The following MOK variants were observed in gnomAD, a reference collection of about 807,000 sequenced individuals.
MOK encodes the protein MOK protein kinase.
In MOK, 59 loss-of-function variants were observed where a neutral mutation model predicts 54.2. That is an observed-to-expected ratio of 1.09 (90% CI 0.88 to 1.35). The LOEUF (loss-of-function observed/expected upper bound fraction) is 1.35, where lower values mean the gene tolerates loss of function less well. MOK is among the 40% of genes most tolerant of loss of function. The pLI is 0.00. For synonymous variants in MOK, 210 were observed against 202.7 expected, an observed-to-expected ratio of 1.04 and a Z score of -0.31; for missense variants, 517 against 526.2, an observed-to-expected ratio of 0.98 and a Z score of 0.17.
intron 2 of MOK, among the ~76,000 whole-genome samples, chr14:102,271,112 G>T (rs2068317536): frequency 6.6e-6 from 1 of 152,152 alleles, no homozygotes; most frequent in South Asian, 2.1e-4. Flanking sequence ...TTGAACTCAG[G>T]AGGCAGAGGT....
At chr14:102,234,072 G>C (rs2064994521) in intron 7 of MOK, 2 of 308,202 alleles carry the variant, frequency 6.5e-6, no homozygotes, top group African/African-American at 4.3e-5. Flanking sequence ...TAAGCTTGGG[G>C]CTGCTTCCTC....
At chr14:102,299,840 C>G (rs1192176706) in intron 1 of MOK, among the ~76,000 whole-genome samples, 1 of 152,174 alleles carries the variant, frequency 6.6e-6, no homozygotes, top group Non-Finnish European at 1.5e-5. Flanking sequence ...GCCTCAGCCT[C>G]TCGAAGTGCT....
intron 1 of MOK, among the ~76,000 whole-genome samples, chr14:102,298,789 T>C (rs2071771250): frequency 6.6e-6 from 1 of 152,224 alleles, no homozygotes; most frequent in Non-Finnish European, 1.5e-5. Context: ...ACTCACTCTT[T>C]GGGTCCAGGC....
chr14:102,286,761 T>C (rs1284522210), intron 1 of MOK, among the ~76,000 whole-genome samples: 1 of 151,996 alleles, frequency 6.6e-6, no homozygotes. Flanking sequence ...ACTGTAAATA[T>C]TTAAAATAAT....
Position 102,236,966 on chromosome 14 carries a change from C to A in MOK, c.591-3177G>T, listed in dbSNP as rs77400444. Among the ~76,000 whole-genome samples the A allele has an allele frequency of 5.7e-3, 862 of 152,238 alleles. 18 individuals carry two copies. The highest frequency in any genetic ancestry group is 0.035 in the East Asian group (179 of 5,180). ...TCCTATTCATCCCATAGTCCCTAAC[C>A]CCTCTACACTTCTCTGTCTCATTCC... On this transcript the variant is annotated intron_variant, in intron 7 of 11. Coordinates refer to ENST00000361847, the MANE Select transcript of MOK (RefSeq NM_014226.3). This position sits in a 1 kb window ranked among gnomAD's most constrained non-coding sequence, Gnocchi z 4.5.
At chr14:102,263,506 A>T (rs745336627) in intron 4 of MOK, 40 bp downstream of exon 4, 1 of 1,425,738 alleles carries the variant, frequency 7.0e-7, no homozygotes, top group Middle Eastern at 1.8e-4. Flanking sequence ...ACAAGCCTTA[A>T]AAGAGGATCT....
At position 102,283,536 on chromosome 14, in the gene MOK, G is replaced by A. The variant is rs56283342; in HGVS notation, c.64C>T (p.Gln22Ter). 2.0e-4 allele frequency: 329 copies of A among 1,613,440 alleles called. No individual in the cohort carries two copies. The highest frequency in any genetic ancestry group is 2.5e-4 in the Non-Finnish European group (300 of 1,179,802). ...TAGTAGTTTCCATCTCTCAGGCTTT[G>A]CATCTTCATAACTTCAGAAAACGTT... ...EGTFSEVMKM[Q>*]SLRDGNYYAC... Residue 22 changes from glutamine to a stop codon, truncating the protein, a stop_gained, in exon 2 of 12, where the codon CAA (glutamine) becomes TAA (stop). Coordinates refer to ENST00000361847, the MANE Select transcript of MOK (RefSeq NM_014226.3). LOFTEE classifies it high-confidence loss of function.
chr14:102,248,427 T>C (rs1880482288), intron 7 of MOK, among the ~76,000 whole-genome samples: 1 of 151,908 alleles, frequency 6.6e-6, no homozygotes. Flanking sequence ...GTTCCTGCTC[T>C]TCATCTAGTT....
At chr14:102,261,436 T>A (rs1238442020) in intron 4 of MOK, among the ~76,000 whole-genome samples, 25 of 84,756 alleles carry the variant, frequency 2.9e-4, no homozygotes, top group Non-Finnish European at 4.7e-4. Flanking sequence ...TATATATATA[T>A]ATATATATAT....
chr14:102,258,008 C>T (rs982798403), intron 4 of MOK, among the ~76,000 whole-genome samples: 1 of 151,642 alleles, frequency 6.6e-6, no homozygotes, highest in Non-Finnish European at 1.5e-5. Flanking sequence ...CTGTTTAGAA[C>T]CACTTATAGC....
At chr14:102,286,912 A>AAATAAT (rs56108099) in intron 1 of MOK, among the ~76,000 whole-genome samples, 7,357 of 145,430 alleles carry the variant, frequency 0.051, 385 homozygotes, top group African/African-American at 0.13. Flanking sequence ...TCCGTCTCAA[A>AAATAAT]AATAATAATA....
chr14:102,252,946 T>C (rs1480246914), intron 4 of MOK, among the ~76,000 whole-genome samples: 1 of 152,224 alleles, frequency 6.6e-6, no homozygotes, highest in African/African-American at 2.4e-5. Context: ...AAATATCTTA[T>C]TTTTGCAAAT....
Position 102,251,768 on chromosome 14 carries a change from A to G in MOK, c.399T>C (p.Asn133=). The change falls in exon 6 of 12, where the codon AAT becomes AAC. Residue 133 remains asparagine (N), a synonymous_variant. Coordinates refer to ENST00000361847, the MANE Select transcript of MOK (RefSeq NM_014226.3). The part of the protein sequence containing the change: ...GIFHRDVKPE[N]ILIKQDVLKL... ...TAAAAGCTCTTACCTTTATTAGTATATTTTCTGGTTTTACATCTCTGTGAA... is the reference window on the plus strand; with the variant it reads ...TAAAAGCTCTTACCTTTATTAGTATGTTTTCTGGTTTTACATCTCTGTGAA... The G allele has an allele frequency of 6.4e-7, 1 of 1,568,996 alleles. No homozygotes were observed. The highest frequency in any genetic ancestry group is 8.8e-7 in the Non-Finnish European group (1 of 1,141,042).
chr14:102,234,378 C>T (rs779849539), intron 7 of MOK, among the ~76,000 whole-genome samples: 3 of 152,086 alleles, frequency 2.0e-5, no homozygotes, highest in Admixed American at 6.5e-5. Context: ...TCAAAGCCTC[C>T]GCCAGGGTGA....
downstream of MOK, chr14:102,225,203 C>T (rs895627729): frequency 2.0e-5 from 4 of 195,928 alleles, no homozygotes; most frequent in African/African-American, 7.2e-5. Flanking sequence ...TGGAATCACA[C>T]GTGTGTGCCA....
At chr14:102,233,231 G>T (rs2064901061) in intron 8 of MOK, 1 of 159,546 alleles carries the variant, frequency 6.3e-6, no homozygotes, top group Non-Finnish European at 1.4e-5. Context: ...CAGCCCACAG[G>T]CCCTCCCTGG....
At position 102,229,649 on chromosome 14, in the gene MOK, G is replaced by T. The variant is rs911450215; in HGVS notation, c.990C>A (p.Ser330=). The change falls in exon 11 of 12, where the codon TCC becomes TCA. Residue 330 remains serine (S), a synonymous_variant. Coordinates refer to ENST00000361847, the MANE Select transcript of MOK (RefSeq NM_014226.3). The part of the protein sequence containing the change: ...ISKEGRKQKQ[S]LKQEEDRPKR... ...TGGGACGGTCCTCCTCTTGCTTTAGGGACTGTTTCTTGAAACAGAACAGAG... is the reference window on the plus strand; with the variant it reads ...TGGGACGGTCCTCCTCTTGCTTTAGTGACTGTTTCTTGAAACAGAACAGAG... The T allele has an allele frequency of 1.2e-6, 2 of 1,607,746 alleles. No homozygotes were observed. Among genetic ancestry groups the T allele is most frequent in the Admixed American group, 3.4e-5 (2 of 59,218 alleles).
chr14:102,248,625 A>C (rs1478468602), intron 7 of MOK, among the ~76,000 whole-genome samples: 1 of 151,854 alleles, frequency 6.6e-6, no homozygotes, highest in East Asian at 1.9e-4. Flanking sequence ...AAAAATACAA[A>C]AAATTAGCCG....
chr14:102,237,679 T>C (rs1444144244), intron 7 of MOK, among the ~76,000 whole-genome samples: 1 of 152,186 alleles, frequency 6.6e-6, no homozygotes, highest in Non-Finnish European at 1.5e-5. Context: ...TCTCACACTC[T>C]ATACTGCCAA....
Sources: allele counts gnomAD v4.1 joint callset (sites outside exome capture counted in the v4.1 genomes callset), GRCh38; gene constraint gnomAD v4.1.1; non-coding constraint Gnocchi (gnomAD v3.1); transcripts MANE v1.5; gene names NCBI Gene and HGNC (gene_info 2026-07-23, HGNC 2026-07-21).